The following RYR2 variants were observed in gnomAD, a reference collection of about 807,000 sequenced individuals.
RYR2 encodes the protein ryanodine receptor 2, also known as cardiac muscle ryanodine receptor-calcium release channel.
RYR2 carries 227 observed loss-of-function variants against 601.1 expected under a neutral mutation model. That is an observed-to-expected ratio of 0.38 (90% confidence interval 0.34 to 0.42). RYR2 has a LOEUF of 0.42. Ranked by LOEUF, RYR2 falls within the 10% of genes least tolerant of loss-of-function variation. The pLI is 1.00. For missense variants in RYR2, 4,646 were observed against 6,156.5 expected, an observed-to-expected ratio of 0.75 and a Z score of 8.21; for synonymous variants, 2,223 against 2,175.1, an observed-to-expected ratio of 1.02 and a Z score of -0.61.
chr1:237,733,876 T>A (rs532151831), intron 79 of RYR2, 120 bp downstream of exon 79: 5 of 722,302 alleles, frequency 6.9e-6, no homozygotes, highest in South Asian at 1.6e-5. Context: ...GTAGCATGAA[T>A]CTCCGTTCTA....
chr1:237,680,433 T>C, intron 61 of RYR2, 23 bp from the exon 62 acceptor site: 1 of 1,603,748 alleles, frequency 6.2e-7, no homozygotes, highest in Non-Finnish European at 8.5e-7. Context: ...TACGTAGATC[T>C]GTCTTCTTTT....
intron 1 of RYR2, among the ~76,000 whole-genome samples, chr1:237,061,211 T>TTCTTTCTATCTA (rs1553275424): frequency 9.6e-6 from 1 of 104,204 alleles, no homozygotes; most frequent in African/African-American, 3.4e-5. Flanking sequence ...AATACGGTTG[T>TTCTTTCTATCTA]TCTATCTATC....
At chr1:237,820,761 G>A (rs185096845) in intron 101 of RYR2, among the ~76,000 whole-genome samples, 290 of 152,280 alleles carry the variant, frequency 1.9e-3, no homozygotes, top group African/African-American at 6.4e-3. Flanking sequence ...CCCAGCACGC[G>A]AAGATCCACT....
chr1:237,062,597 A>T (rs1472358199), intron 1 of RYR2, among the ~76,000 whole-genome samples: 1 of 152,174 alleles, frequency 6.6e-6, no homozygotes, highest in African/African-American at 2.4e-5. Context: ...AAGTTCACTT[A>T]TTAATTCTAA....
At chr1:237,719,580 G>A (rs1036754961) in intron 73 of RYR2, among the ~76,000 whole-genome samples, 8 of 152,124 alleles carry the variant, frequency 5.3e-5, no homozygotes, top group South Asian at 4.1e-4. Flanking sequence ...CAGATCTCAC[G>A]AGAATCTTGA....
intron 16 of RYR2, among the ~76,000 whole-genome samples, chr1:237,464,625 T>C (rs1022641436): frequency 1.3e-5 from 2 of 151,866 alleles, no homozygotes; most frequent in Admixed American, 6.6e-5. Context: ...TCAAGATATT[T>C]CCCCCCCAAA....
At chr1:237,318,041 T>C (rs968288754) in intron 2 of RYR2, among the ~76,000 whole-genome samples, 2 of 152,170 alleles carry the variant, frequency 1.3e-5, no homozygotes, top group African/African-American at 4.8e-5. Context: ...ATTCTTGCTT[T>C]CTTTTGTGCA....
At chr1:237,691,006 A>G (rs1311395910) in intron 63 of RYR2, among the ~76,000 whole-genome samples, 2 of 152,200 alleles carry the variant, frequency 1.3e-5, no homozygotes, top group African/African-American at 4.8e-5. Context: ...ATATTAATCT[A>G]TTCTTTTTCA....
At position 237,250,206 on chromosome 1, in the gene RYR2, C is replaced by T. The variant is rs149848556; in HGVS notation, c.49-20291C>T. Among the ~76,000 whole-genome samples, 1,014 of 152,302 alleles carry T rather than the reference C, an allele frequency of 6.7e-3. 13 individuals are homozygous for T. Among genetic ancestry groups the T allele is most frequent in the African/African-American group, 0.023 (954 of 41,562 alleles). On this transcript the variant is annotated intron_variant, in intron 1 of 104. Coordinates refer to ENST00000366574, the MANE Select transcript of RYR2 (RefSeq NM_001035.3). ...CTCCCAGCGTGGCTCTTGCCTTCCA[C>T]GCACTGCCCTGGCATCCTGATCTTT...
chr1:237,806,895 T>C lies in RYR2; in HGVS notation c.14298+612T>C, dbSNP rs76216670. Among the ~76,000 whole-genome samples, 988 of 152,340 alleles carry C rather than the reference T, an allele frequency of 6.5e-3. 15 individuals are homozygous for C. The highest frequency in any genetic ancestry group is 0.022 in the African/African-American group (928 of 41,580). On this transcript the variant is annotated intron_variant, in intron 99 of 104. Transcript: ENST00000366574. ...TTCTTAATGTTAAGACTTCCCATTATCCTGAAGCATATTGCAGAAGTGTGC... is the reference window on the plus strand; with the variant it reads ...TTCTTAATGTTAAGACTTCCCATTACCCTGAAGCATATTGCAGAAGTGTGC...
chr1:237,785,633 T>G (rs1695488184), intron 90 of RYR2, among the ~76,000 whole-genome samples: 1 of 152,152 alleles, frequency 6.6e-6, no homozygotes, highest in South Asian at 2.1e-4. Context: ...TTAAAGTAGT[T>G]AGATAAGAAT....
intron 1 of RYR2, among the ~76,000 whole-genome samples, chr1:237,119,139 G>A (rs536442614): frequency 7.0e-4 from 107 of 152,278 alleles, no homozygotes; most frequent in Middle Eastern, 3.4e-3. Context: ...ATTAGGTTGG[G>A]TCTTAATCCA....
intron 4 of RYR2, among the ~76,000 whole-genome samples, chr1:237,361,674 C>A (rs1047741699): frequency 6.6e-6 from 1 of 152,170 alleles, no homozygotes; most frequent in East Asian, 1.9e-4. Flanking sequence ...TTTTTAGAAG[C>A]GTTCCTTTTT....
intron 27 of RYR2, among the ~76,000 whole-genome samples, chr1:237,554,795 T>C (rs1004477678): frequency 2.6e-5 from 4 of 152,098 alleles, no homozygotes; most frequent in African/African-American, 9.6e-5. Context: ...CTTATTATTC[T>C]TTTAATGTCT....
At chr1:237,317,359 G>C (rs1015000193) in intron 2 of RYR2, among the ~76,000 whole-genome samples, 1 of 152,048 alleles carries the variant, frequency 6.6e-6, no homozygotes, top group Admixed American at 6.6e-5. Flanking sequence ...CATCCTGATG[G>C]GGAAATGATA....
intron 29 of RYR2, among the ~76,000 whole-genome samples, chr1:237,587,980 G>C (rs967802499): frequency 4.6e-5 from 7 of 152,118 alleles, no homozygotes; most frequent in Non-Finnish European, 8.8e-5. Flanking sequence ...TGTTAATGCA[G>C]TTCAAGCTGT....
At chr1:237,707,538 T>C (rs1688483385) in intron 68 of RYR2, among the ~76,000 whole-genome samples, 1 of 152,196 alleles carries the variant, frequency 6.6e-6, no homozygotes, top group East Asian at 1.9e-4. Flanking sequence ...CTAATGATTT[T>C]ATAGCCAGAG....
At chr1:237,824,576 T>C (rs1226700882) in intron 101 of RYR2, among the ~76,000 whole-genome samples, 2 of 152,172 alleles carry the variant, frequency 1.3e-5, no homozygotes, top group Non-Finnish European at 2.9e-5. Context: ...AATATCATAC[T>C]GAATGGCCAA....
chr1:237,291,440 TA>T (rs1440109181), intron 2 of RYR2, among the ~76,000 whole-genome samples: 3 of 152,176 alleles, frequency 2.0e-5, no homozygotes, highest in African/African-American at 7.2e-5. Flanking sequence ...CCTTGGTATT[TA>T]CCCAAATGAG....
Sources: allele counts gnomAD v4.1 joint callset (sites outside exome capture counted in the v4.1 genomes callset), GRCh38; gene constraint gnomAD v4.1.1; transcripts MANE v1.5; gene names NCBI Gene and HGNC (gene_info 2026-07-23, HGNC 2026-07-21).